The following CHD8 variants were observed in gnomAD, a reference collection of about 807,000 sequenced individuals.
CHD8 encodes ATP-dependent chromatin remodeler CHD8.
A neutral mutation model predicts 279.2 loss-of-function variants in CHD8; 31 were observed. The ratio of observed to expected loss-of-function variants is 0.11; its 90% CI spans 0.08 to 0.15. The LOEUF (loss-of-function observed/expected upper bound fraction) is 0.15, where lower values mean the gene tolerates loss of function less well. CHD8 is among the 10% of genes least tolerant of loss of function. The probability of loss-of-function intolerance (pLI) is 1.00; values close to 1 mark genes in which losing one functional copy is unlikely to be tolerated. For synonymous variants in CHD8, 1,081 were observed against 1,139.6 expected, an observed-to-expected ratio of 0.95 and a Z score of 1.04; for missense variants, 2,146 against 3,230.5, an observed-to-expected ratio of 0.66 and a Z score of 8.14.
rs140327362 is a variant in CHD8, at chr14:21,412,543, G to A, written c.2226+370C>T. 1.6e-3 allele frequency among the ~76,000 whole-genome samples: 244 copies of A among 152,224 alleles called. 1 individual carries two copies. The highest frequency in any genetic ancestry group is 5.4e-3 in the African/African-American group (226 of 41,542). On this transcript the variant is annotated intron_variant, in intron 10 of 37. Transcript: ENST00000646647. ...ACATGATTTGTAGAAAGCTAGGAGC[G>A]AGCCTGTAGAAGTATTTTTATATTC...
chr14:21,444,752 T>G (rs1470541500), intron 1 of CHD8, among the ~76,000 whole-genome samples: 2 of 152,238 alleles, frequency 1.3e-5, no homozygotes, highest in Admixed American at 1.3e-4. Context: ...ACCCCTTTAA[T>G]TGAAGTTCAC....
intron 27 of CHD8, chr14:21,397,609 ATT>A: frequency 2.0e-6 from 1 of 509,538 alleles, no homozygotes; most frequent in Admixed American, 3.2e-5. Flanking sequence ...CAAATAAGCC[ATT>A]TACAAGTGAC....
In CHD8 at chr14:21,406,955, C is replaced by T; in HGVS notation, c.2808G>A (p.Glu936=). The change falls in exon 14 of 38, where the codon GAG becomes GAA. Residue 936 remains glutamate, a synonymous_variant. Transcript: ENST00000646647. ...TFEMILSDCP[E]LREIEWRCVI... ...CACAACGCCATTCAATTTCACGAAG[C>T]TCAGGACAATCTGACAAAATCATCT... 6.2e-7 allele frequency: 1 copy of T among 1,611,190 alleles called. No homozygotes were observed. The highest frequency in any genetic ancestry group is 1.1e-5 in the South Asian group (1 of 90,442).
intron 1 of CHD8, among the ~76,000 whole-genome samples, chr14:21,440,199 T>C (rs1889920659): frequency 6.6e-6 from 1 of 152,106 alleles, no homozygotes; most frequent in Non-Finnish European, 1.5e-5. Flanking sequence ...GTAGTTTCTC[T>C]TTTTTGTTGC....
chr14:21,426,434 TG>T, intron 4 of CHD8, 192 bp from the exon 5 acceptor site: 2 of 562,134 alleles, frequency 3.6e-6, no homozygotes, highest in Middle Eastern at 4.7e-4. Flanking sequence ...AACCACTGAC[TG>T]ACCCTTATAC....
chr14:21,433,613 A>G (rs888598580), intron 1 of CHD8, among the ~76,000 whole-genome samples: 9 of 152,198 alleles, frequency 5.9e-5, no homozygotes, highest in African/African-American at 1.9e-4. Context: ...ATGGGTTAAT[A>G]TATCAGATAC....
In CHD8 at chr14:21,393,540, G is replaced by GGAA. The variant is rs150254629; in HGVS notation, c.6252_6254dup (p.Ser2094dup). The GGAA allele has an allele frequency of 2.5e-6, 4 of 1,604,710 alleles. No homozygotes were observed. The highest frequency in any genetic ancestry group is 3.4e-6 in the Non-Finnish European group (4 of 1,175,442). On this transcript the variant is annotated inframe_insertion, in exon 32 of 38. Transcript: ENST00000646647. Reference sequence around the variant, plus strand: ...TGGAGCTGGAGCTGGATGAGGATGAGGAAGAAGAAGAAGATGGTGACAGCT... The same window carrying GGAA: ...TGGAGCTGGAGCTGGATGAGGATGAGGAAGAAGAAGAAGAAGATGGTGACAGCT...
At chr14:21,433,128 T>C (rs1889634761) in intron 1 of CHD8, among the ~76,000 whole-genome samples, 1 of 152,184 alleles carries the variant, frequency 6.6e-6, no homozygotes, top group Admixed American at 6.5e-5. Context: ...GCACATATAG[T>C]AGCTAATCAA....
At chr14:21,417,896 T>TAC (rs1224836401) in intron 5 of CHD8, among the ~76,000 whole-genome samples, 144 of 144,594 alleles carry the variant, frequency 1.0e-3, no homozygotes, top group East Asian at 3.8e-3. Context: ...TATATATATA[T>TAC]ACACACACAC....
chr14:21,403,623 G>A lies in CHD8; in HGVS notation c.3348C>T (p.Cys1116=), dbSNP rs1348787273. ...EKILTEFREA[C]HIIPHDFHLQ... is the part of the protein sequence containing the mutation. Reference sequence around the variant, plus strand: ...GGTGAAAGTCATGAGGTATAATATGGCAAGCTTCACGGAATTCTGTTAGGA... The same window carrying A: ...GGTGAAAGTCATGAGGTATAATATGACAAGCTTCACGGAATTCTGTTAGGA... Residue 1116 remains cysteine, a synonymous_variant, in exon 17 of 38, where the codon TGC becomes TGT. Coordinates refer to ENST00000646647, the MANE Select transcript of CHD8 (RefSeq NM_001170629.2). This position sits in a 1 kb window ranked among gnomAD's most constrained non-coding sequence, Gnocchi z 4.3. 1.2e-6 allele frequency: 2 copies of A among 1,606,444 alleles called. No homozygotes were observed. Among genetic ancestry groups the A allele is most frequent in the Admixed American group, 1.7e-5 (1 of 58,782 alleles).
intron 10 of CHD8, among the ~76,000 whole-genome samples, chr14:21,410,915 C>G (rs1054918686): frequency 2.0e-5 from 3 of 152,016 alleles, no homozygotes; most frequent in African/African-American, 7.3e-5. Context: ...GCCATTTGTC[C>G]AGGTCACATA....
At chr14:21,424,135 T>C (rs1200582355) in intron 5 of CHD8, among the ~76,000 whole-genome samples, 1 of 152,246 alleles carries the variant, frequency 6.6e-6, no homozygotes, top group Non-Finnish European at 1.5e-5. Flanking sequence ...ATTCATGTCT[T>C]ATAGACAGTT....
At position 21,399,683 on chromosome 14, in the gene CHD8, C is replaced by A. The variant is rs1219259781; in HGVS notation, c.4840G>T (p.Val1614Leu). The change falls in exon 26 of 38, where the codon GTA becomes TTA. Residue 1614 changes from valine to leucine, a missense_variant. Coordinates refer to ENST00000646647, the MANE Select transcript of CHD8 (RefSeq NM_001170629.2). ...GTTGGAACCTCCAGTTGATCCACTACTGGGAACCATATGTCAATCTCACTA... is the reference window on the plus strand; with the variant it reads ...GTTGGAACCTCCAGTTGATCCACTAATGGGAACCATATGTCAATCTCACTA... Reference protein sequence around the residue: ...IASEIDIWFPVVDQLEVPTTW... With the variant: ...IASEIDIWFPLVDQLEVPTTW... 1 of 1,613,154 alleles carries A rather than the reference C, an allele frequency of 6.2e-7. No individual in the cohort carries two copies. Among genetic ancestry groups the A allele is most frequent in the South Asian group, 1.1e-5 (1 of 91,062 alleles).
intron 20 of CHD8, 84 bp from the exon 21 acceptor site, chr14:21,401,597 T>G: frequency 1.1e-6 from 1 of 875,340 alleles, no homozygotes; most frequent in Non-Finnish European, 1.7e-6. Context: ...AAAACATTTT[T>G]TTTTTGAGAC....
In CHD8 at chr14:21,427,965, C is replaced by T. The variant is rs369696938; in HGVS notation, c.1505G>A (p.Arg502His). Residue 502 changes from arginine to histidine, a missense_variant, in exon 4 of 38, where the codon CGC becomes CAC. By Grantham distance (29) the Arg-to-His change is conservative (BLOSUM62 0). Around this residue, in one of 26 missense-constraint regions of CHD8, gnomAD observed 123 missense variants for 169.2 expected, o/e 0.73. Coordinates refer to ENST00000646647, the MANE Select transcript of CHD8 (RefSeq NM_001170629.2). ...VRPEEEGEKK[R>H]RKKSAGERLK... ...CCTCTCCCCAGCACTCTTCTTCCTG[C>T]GTTTCTTCTCGCCTTCCTCCTCTGG... is the stretch of plus-strand genomic sequence containing the variant. The T allele has an allele frequency of 1.2e-5, 20 of 1,614,076 alleles. No homozygotes were observed. In the African/African-American group the frequency reaches 1.9e-4, roughly 15 times the overall value.
chr14:21,414,454 T>G, intron 8 of CHD8, 36 bp from the exon 9 acceptor site: 1 of 1,124,660 alleles, frequency 8.9e-7, no homozygotes, highest in Non-Finnish European at 1.3e-6. Flanking sequence ...ATGGTGCAAG[T>G]AAAAGAAGGT....
chr14:21,428,044 C>T lies in CHD8; in HGVS notation c.1426G>A (p.Gly476Ser). ...AAGACTCGAGGTATGTTCTGCTCAC[C>T]GCGGGCACGGGCTCTCGCAATGGCC... is the stretch of plus-strand genomic sequence containing the variant. Reference protein sequence around the residue: ...AEAIARARARGEQNIPRVLNE... With the variant: ...AEAIARARARSEQNIPRVLNE... Residue 476 changes from glycine (G) to serine (S), a missense_variant, in exon 4 of 38, where the codon GGT (glycine) becomes AGT (serine). Coordinates refer to ENST00000646647, the MANE Select transcript of CHD8 (RefSeq NM_001170629.2). The T allele has an allele frequency of 6.2e-7, 1 of 1,614,044 alleles. No homozygotes were observed. The highest frequency in any genetic ancestry group is 8.5e-7 in the Non-Finnish European group (1 of 1,179,902).
At position 21,400,714 on chromosome 14, in the gene CHD8, ACATG is replaced by A; in HGVS notation, c.4371-106_4371-103del. On this transcript the variant is annotated intron_variant, in intron 22 of 37. Transcript: ENST00000646647. The surrounding 1 kb of genome is among the most constrained non-coding windows in gnomAD (Gnocchi z 4.2). ...AGGTGTGAAACAAAGATCTTAAAAA[ACATG>A]GTAACAGAATAAACAGAACAAACTC... The A allele has an allele frequency of 7.7e-7, 1 of 1,299,682 alleles. No homozygotes were observed. 80.5% of individuals were successfully genotyped at this position (1,299,682 alleles called of 1,614,324 possible).
intron 1 of CHD8, among the ~76,000 whole-genome samples, chr14:21,444,202 G>T (rs574470708): frequency 6.4e-4 from 98 of 152,284 alleles, no homozygotes; most frequent in Non-Finnish European, 1.2e-3. Flanking sequence ...GAAACAACTG[G>T]CACAGTGCTT....
Sources: allele counts gnomAD v4.1 joint callset (sites outside exome capture counted in the v4.1 genomes callset), GRCh38; gene constraint gnomAD v4.1.1; regional missense constraint gnomAD v4.1.1; non-coding constraint Gnocchi (gnomAD v3.1); transcripts MANE v1.5; gene names NCBI Gene and HGNC (gene_info 2026-07-23, HGNC 2026-07-21).